PWWP2A: variants seen among roughly 807,000 people sequenced by gnomAD.
The protein encoded by PWWP2A is PWWP domain-containing protein 2A.
Under a neutral mutation model 48.5 loss-of-function variants are expected in PWWP2A, and 18 were observed. That is an observed-to-expected ratio of 0.37 (90% CI 0.26 to 0.55). PWWP2A has a LOEUF of 0.55. PWWP2A is among the 20% of genes least tolerant of loss of function. The pLI, the probability that PWWP2A is intolerant of heterozygous loss-of-function variation, is 0.81. For synonymous variants in PWWP2A, 396 were observed against 387.7 expected (o/e 1.02, Z -0.25); for missense variants, 867 against 976.4 (o/e 0.89, Z 1.49).
chr5:160,112,760 A>T lies in PWWP2A; in HGVS notation c.584+6045T>A, dbSNP rs113293563. Among the ~76,000 whole-genome samples the T allele has an allele frequency of 3.2e-3, 482 of 152,180 alleles. 3 individuals are homozygous for T. The highest frequency in any genetic ancestry group is 0.011 in the African/African-American group (449 of 41,432). On this transcript the variant is annotated intron_variant, in intron 1 of 1. Coordinates refer to ENST00000307063, the MANE Select transcript of PWWP2A (RefSeq NM_001130864.2). Reference sequence around the variant, plus strand: ...TGCTTGTGTCTAAGTGAACTGCCCAAAGCTAAATCAATTAGCCTAAGAACT... The same window carrying T: ...TGCTTGTGTCTAAGTGAACTGCCCATAGCTAAATCAATTAGCCTAAGAACT...
chr5:160,091,970 A>ATG lies in PWWP2A; in HGVS notation c.*410_*411dup. 1.2e-6 allele frequency: 1 copy of ATG among 859,882 alleles called. No individual in the cohort carries two copies. The highest frequency in any genetic ancestry group is 1.4e-6 in the Non-Finnish European group (1 of 719,122). The allele number at this position is 859,882 out of a possible 1,614,324, so 53.3% of individuals were successfully genotyped here. A position where few individuals can be genotyped will look rare whatever the true frequency, so the allele number is the denominator to read the frequency against. On this transcript the variant is annotated 3_prime_UTR_variant, in exon 2 of 2. Coordinates refer to ENST00000307063, the MANE Select transcript of PWWP2A (RefSeq NM_001130864.2). ...GACAGGCTGTATTTCATATATATATATGTGTATATATACATATATATGTGT... is the reference window on the plus strand; with the variant it reads ...GACAGGCTGTATTTCATATATATATATGTGTGTATATATACATATATATGTGT...
intron 1 of PWWP2A, among the ~76,000 whole-genome samples, chr5:160,106,597 AG>A (rs762607658): frequency 5.9e-5 from 9 of 152,186 alleles, no homozygotes; most frequent in Non-Finnish European, 1.3e-4. Context: ...GAGTTTTAAA[AG>A]GCTAAAATCC....
intron 1 of PWWP2A, among the ~76,000 whole-genome samples, chr5:160,096,754 C>T (rs1210458199): frequency 6.6e-6 from 1 of 152,172 alleles, no homozygotes; most frequent in African/African-American, 2.4e-5. Flanking sequence ...CTCAGCCTCC[C>T]AAGTAGTTGG....
Position 160,119,232 on chromosome 5 carries a change from C to T in PWWP2A, c.157G>A (p.Glu53Lys). ...GGAGCGGATTGCTGCCCGTCAGTCT[C>T]GCCATCCGGCACAGACGCTTCAGTG... ...TATEASVPDGETDGQQSAPQA... is the reference protein window; with the variant it reads ...TATEASVPDGKTDGQQSAPQA... The change falls in exon 1 of 2, where the codon GAG becomes AAG. Residue 53 changes from glutamate (E) to lysine (K), a missense_variant. Coordinates refer to ENST00000307063, the MANE Select transcript of PWWP2A (RefSeq NM_001130864.2). 1 of 1,433,884 alleles carries T rather than the reference C, an allele frequency of 7.0e-7. No homozygotes were observed. Among genetic ancestry groups the T allele is most frequent in the South Asian group, 1.5e-5 (1 of 67,662 alleles). 88.8% of individuals were successfully genotyped at this position (1,433,884 alleles called of 1,614,324 possible).
At chr5:160,080,614 C>G in intron 3 of PWWP2A, 2 of 1,488,500 alleles carry the variant, frequency 1.3e-6, no homozygotes, top group Non-Finnish European at 1.8e-6. Flanking sequence ...GACATGATGC[C>G]CTCTTCACTT....
At chr5:160,113,443 C>T (rs1757794183) in intron 1 of PWWP2A, 1 of 501,096 alleles carries the variant, frequency 2.0e-6, no homozygotes, top group Admixed American at 6.4e-5. Flanking sequence ...ACACCTTTTC[C>T]ACACAGTAGA....
chr5:160,050,568 T>C, the PWWP2A span, among the ~76,000 whole-genome samples: 7 of 152,128 alleles, frequency 4.6e-5, no homozygotes, highest in Admixed American at 3.3e-4. Context: ...TAAATTTGTA[T>C]TGATGCCCTC....
intron 1 of PWWP2A, among the ~76,000 whole-genome samples, chr5:160,095,686 CT>C (rs11358268): frequency 0.83 from 83,253 of 100,212 alleles, 34,587 homozygotes; most frequent in Admixed American, 0.87. Flanking sequence ...CCGAAATGTT[CT>C]TTTTTTTTTT....
intron 5 of PWWP2A, chr5:160,062,128 C>T (rs1170769670): frequency 6.6e-6 from 1 of 152,238 alleles, no homozygotes; most frequent in Non-Finnish European, 1.5e-5. Context: ...ATGACTGCCA[C>T]ACCATAGAAT....
downstream of PWWP2A, among the ~76,000 whole-genome samples, chr5:160,071,039 G>A (rs1331580558): frequency 6.6e-6 from 1 of 152,030 alleles, no homozygotes; most frequent in African/African-American, 2.4e-5. Flanking sequence ...AATACAAAAA[G>A]TTAGCCAGGC....
chr5:160,071,274 C>A (rs997190820), downstream of PWWP2A, among the ~76,000 whole-genome samples: 1 of 152,200 alleles, frequency 6.6e-6, no homozygotes. Flanking sequence ...TGGTAAGTAA[C>A]ATTTCACTCA....
chr5:160,067,296 A>C (rs1753637266), intron 2 of PWWP2A, among the ~76,000 whole-genome samples: 1 of 152,174 alleles, frequency 6.6e-6, no homozygotes, highest in Non-Finnish European at 1.5e-5. Flanking sequence ...ATTTTGTCTT[A>C]TGAAAATAGC....
chr5:160,119,421 G>C lies in PWWP2A; in HGVS notation c.-33C>G. The C allele has an allele frequency of 7.4e-7, 1 of 1,353,098 alleles. No homozygotes were observed. The allele number at this position is 1,353,098 out of a possible 1,614,324, so 83.8% of individuals were successfully genotyped here. A position where few individuals can be genotyped will look rare whatever the true frequency, so the allele number is the denominator to read the frequency against. On this transcript the variant is annotated 5_prime_UTR_variant, in exon 1 of 2. Transcript: ENST00000307063. The stretch of plus-strand genomic sequence containing the variant: ...CTAGCTTCTCCCTCCTCCAACTCCG[G>C]CTGCAGCGGCGGCGGCGACAGCGCT...
intron 1 of PWWP2A, among the ~76,000 whole-genome samples, chr5:160,108,271 T>C (rs920729364): frequency 1.3e-5 from 2 of 152,150 alleles, no homozygotes; most frequent in African/African-American, 4.8e-5. Flanking sequence ...AAAAAGATCA[T>C]ATTAATGCAA....
chr5:160,109,830 T>G (rs1232252369), intron 1 of PWWP2A, among the ~76,000 whole-genome samples: 1 of 135,360 alleles, frequency 7.4e-6, no homozygotes, highest in Admixed American at 8.0e-5. Flanking sequence ...ATAATATATA[T>G]ATATATATAT....
At position 160,119,117 on chromosome 5, in the gene PWWP2A, G is replaced by T; in HGVS notation, c.272C>A (p.Ala91Asp). 3 of 1,586,890 alleles carry T rather than the reference G, an allele frequency of 1.9e-6. No individual in the cohort carries two copies. The highest frequency in any genetic ancestry group is 2.6e-6 in the Non-Finnish European group (3 of 1,175,698). ...CACCCGAACGGACAGTTTCTCCTCA[G>T]CCTCCAGCTCCGGCCCCACCGCCTC... ...SPEAVGPELEAEEKLSVRVAE... is the reference protein window; with the variant it reads ...SPEAVGPELEDEEKLSVRVAE... Residue 91 changes from alanine (A) to aspartate (D), a missense_variant, in exon 1 of 2, where the codon GCT becomes GAT. Transcript: ENST00000307063.
chr5:160,089,435 C>T, downstream of PWWP2A: 2 of 787,712 alleles, frequency 2.5e-6, no homozygotes, highest in Non-Finnish European at 3.5e-6. Context: ...TGGTCTCGAA[C>T]TCCGGGCCTC....
intron 1 of PWWP2A, among the ~76,000 whole-genome samples, chr5:160,116,440 A>G (rs1758151908): frequency 6.6e-6 from 1 of 152,180 alleles, no homozygotes; most frequent in East Asian, 1.9e-4. Flanking sequence ...TGTGCGGCAG[A>G]GCAAGACTCC....
At chr5:160,051,074 AG>A in the PWWP2A span, 1 of 1,334,974 alleles carries the variant, frequency 7.5e-7, no homozygotes, top group South Asian at 1.3e-5. Flanking sequence ...ATAAAGGGAA[AG>A]GTTTTGGTTT....
Sources: gnomAD v4.1 joint callset for allele counts (sites outside exome capture counted in the v4.1 genomes callset) on GRCh38, gnomAD v4.1.1 for gene constraint, MANE v1.5 for transcripts, NCBI Gene and HGNC (gene_info 2026-07-23, HGNC 2026-07-21) for gene names.